Variants in RBFOX1 observed in about 807,000 individuals in gnomAD.
RBFOX1 encodes the protein RNA binding fox-1 homolog 1, also known as RNA binding protein fox-1 homolog 1.
In RBFOX1, 8 loss-of-function variants were observed where a neutral mutation model predicts 57.7. That is an observed-to-expected ratio of 0.14 (90% CI 0.08 to 0.25). The LOEUF is 0.25. RBFOX1 is among the 10% of genes least tolerant of loss of function. The pLI is 1.00. For missense variants in RBFOX1, 611 were observed against 548.5 expected (o/e 1.11, Z -1.14); for synonymous variants, 326 against 222.4 (o/e 1.47, Z -4.15).
At chr16:6,782,219 G>T (rs2081148244) in intron 3 of RBFOX1, among the ~76,000 whole-genome samples, 1 of 152,218 alleles carries the variant, frequency 6.6e-6, no homozygotes, top group South Asian at 2.1e-4. Flanking sequence ...GTTGGCCAGG[G>T]TGATCTCTGT....
chr16:7,132,336 T>C (rs1173584554), intron 4 of RBFOX1, among the ~76,000 whole-genome samples: 2 of 151,928 alleles, frequency 1.3e-5, no homozygotes, highest in Non-Finnish European at 2.9e-5. Flanking sequence ...TTAATTGAAC[T>C]CCTATGTTCA....
At chr16:7,473,691 T>C (rs912405552) in intron 4 of RBFOX1, among the ~76,000 whole-genome samples, 3 of 152,002 alleles carry the variant, frequency 2.0e-5, no homozygotes, top group Middle Eastern at 3.4e-3. Flanking sequence ...AGAGAGAGAA[T>C]GTGGTGGAAT....
At chr16:7,167,161 T>C (rs978329707) in intron 4 of RBFOX1, among the ~76,000 whole-genome samples, 1 of 151,274 alleles carries the variant, frequency 6.6e-6, no homozygotes, top group Non-Finnish European at 1.5e-5. Flanking sequence ...AATTTTTGTG[T>C]TTTTAGTAGA....
chr16:5,300,561 GAATTT>G (rs2063779034), intron 1 of RBFOX1, among the ~76,000 whole-genome samples: 1 of 152,088 alleles, frequency 6.6e-6, no homozygotes, highest in Non-Finnish European at 1.5e-5. Flanking sequence ...TTTTCTGAAA[GAATTT>G]AAGTAATAAT....
chr16:7,017,110 A>G (rs1039279529), intron 3 of RBFOX1, among the ~76,000 whole-genome samples: 1 of 152,148 alleles, frequency 6.6e-6, no homozygotes, highest in Non-Finnish European at 1.5e-5. Flanking sequence ...AGATGGTGGC[A>G]ACCCTGTTCT....
At chr16:5,363,900 C>T (rs1402412382) in intron 1 of RBFOX1, among the ~76,000 whole-genome samples, 1 of 152,176 alleles carries the variant, frequency 6.6e-6, no homozygotes, top group Non-Finnish European at 1.5e-5. Flanking sequence ...GGTGGACGAC[C>T]AGTGCTGACT....
intron 1 of RBFOX1, among the ~76,000 whole-genome samples, chr16:6,077,689 C>CTTTT (rs1555499168): frequency 1.6e-4 from 24 of 150,452 alleles, no homozygotes; most frequent in African/African-American, 5.8e-4. Flanking sequence ...TTTATTTTTA[C>CTTTT]TTATTTATTT....
At chr16:7,560,111 C>T (rs549568797) in intron 5 of RBFOX1, among the ~76,000 whole-genome samples, 3 of 152,228 alleles carry the variant, frequency 2.0e-5, no homozygotes, top group Admixed American at 6.5e-5. Flanking sequence ...GACTTAGAGA[C>T]ATTCAGCAGG....
chr16:6,616,013 G>A (rs929213647), intron 2 of RBFOX1, among the ~76,000 whole-genome samples: 1 of 152,094 alleles, frequency 6.6e-6, no homozygotes, highest in East Asian at 1.9e-4. Flanking sequence ...ATATATAGAC[G>A]CAGGGACACT....
chr16:6,737,439 A>G (rs1396603586), intron 3 of RBFOX1, among the ~76,000 whole-genome samples: 3 of 152,182 alleles, frequency 2.0e-5, no homozygotes, highest in Non-Finnish European at 4.4e-5. Flanking sequence ...TAGAATTCAA[A>G]TATTTGAAAG....
chr16:6,330,921 T>C (rs1361839902), intron 2 of RBFOX1, among the ~76,000 whole-genome samples: 2 of 152,082 alleles, frequency 1.3e-5, no homozygotes, highest in Non-Finnish European at 2.9e-5. Flanking sequence ...AAGGATGGTA[T>C]GGTTAGAACA....
At chr16:5,842,411 T>C (rs1232865008) in intron 3 of RBFOX1, among the ~76,000 whole-genome samples, 1 of 152,220 alleles carries the variant, frequency 6.6e-6, no homozygotes, top group African/African-American at 2.4e-5. Context: ...TTTAAATCCC[T>C]GAGTGTTTGG....
chr16:5,740,157 C>T (rs756105345), intron 3 of RBFOX1, among the ~76,000 whole-genome samples: 11 of 152,146 alleles, frequency 7.2e-5, no homozygotes, highest in South Asian at 2.1e-4. Flanking sequence ...AGTAAACACA[C>T]GGGGAGGAGG....
intron 4 of RBFOX1, among the ~76,000 whole-genome samples, chr16:7,309,658 C>G (rs1421716160): frequency 6.6e-6 from 1 of 152,182 alleles, no homozygotes; most frequent in South Asian, 2.1e-4. Flanking sequence ...TAACCAGGTT[C>G]TCTGCCCCAA....
chr16:5,341,287 A>G (rs902693745), intron 1 of RBFOX1, among the ~76,000 whole-genome samples: 1 of 150,470 alleles, frequency 6.6e-6, no homozygotes, highest in African/African-American at 2.5e-5. Flanking sequence ...GGGATAGGGA[A>G]TGGCATGGTC....
chr16:6,034,778 C>CT (rs2095343026), intron 1 of RBFOX1, among the ~76,000 whole-genome samples: 1 of 152,124 alleles, frequency 6.6e-6, no homozygotes. Flanking sequence ...ACGTTCACAT[C>CT]TTTGTCCTCA....
intron 1 of RBFOX1, among the ~76,000 whole-genome samples, chr16:6,202,526 A>G (rs2097221691): frequency 6.6e-6 from 1 of 152,140 alleles, no homozygotes; most frequent in South Asian, 2.1e-4. Flanking sequence ...ATGCACCTCT[A>G]GAGTTTTCTT....
At chr16:6,577,310 T>C (rs2097454891) in intron 2 of RBFOX1, 1 of 152,246 alleles carries the variant, frequency 6.6e-6, no homozygotes, top group African/African-American at 2.4e-5. Flanking sequence ...TGAAGTGATA[T>C]CAGTGGAATT....
rs537296581 is a variant in RBFOX1 at position 7,653,786 on chromosome 16, C to G, written c.758-29C>G. 1,142 of 1,580,458 alleles carry G rather than the reference C, an allele frequency of 7.2e-4. 3 individuals are homozygous for G. The highest frequency in any genetic ancestry group is 4.2e-3 in the Admixed American group (247 of 59,388). On this transcript the variant is annotated intron_variant, in intron 11 of 15. Coordinates refer to ENST00000550418, the MANE Select transcript of RBFOX1 (RefSeq NM_018723.4). ...GGGTGTGCATCTGACAGCCTGTGCT[C>G]TCTCTCTCTCTCTCCTCTTGCCCCG...
Sources: allele counts gnomAD v4.1 joint callset (sites outside exome capture counted in the v4.1 genomes callset), GRCh38; gene constraint gnomAD v4.1.1; transcripts MANE v1.5; gene names NCBI Gene and HGNC (gene_info 2026-07-23, HGNC 2026-07-21).